LIN9: variants seen among roughly 807,000 people sequenced by gnomAD.
LIN9 encodes lin-9 DREAM MuvB core complex component.
In LIN9, 18 loss-of-function variants were observed where a neutral mutation model predicts 78.0. The observed-to-expected ratio is 0.23, with a 90% CI of 0.16 to 0.34. The LOEUF (loss-of-function observed/expected upper bound fraction) is 0.34. LIN9 is among the 10% of genes least tolerant of loss of function. The pLI is 1.00. For missense variants in LIN9, 451 were observed against 644.1 expected, an observed-to-expected ratio of 0.70 and a Z score of 3.25; for synonymous variants, 192 against 215.2, an observed-to-expected ratio of 0.89 and a Z score of 0.94.
intron 1 of LIN9, among the ~76,000 whole-genome samples, chr1:226,301,802 T>C (rs897149017): frequency 6.6e-6 from 1 of 152,228 alleles, no homozygotes; most frequent in Non-Finnish European, 1.5e-5. Context: ...GTATGATGGC[T>C]GACACCTGTA....
At chr1:226,272,883 C>G (rs1440938677) in intron 7 of LIN9, among the ~76,000 whole-genome samples, 1 of 152,140 alleles carries the variant, frequency 6.6e-6, no homozygotes, top group Non-Finnish European at 1.5e-5. Context: ...TTCACAGCCT[C>G]CACAATCGCG....
chr1:226,262,328 G>C (rs913719577), intron 10 of LIN9, among the ~76,000 whole-genome samples: 1 of 152,100 alleles, frequency 6.6e-6, no homozygotes, highest in African/African-American at 2.4e-5. Flanking sequence ...ACATTGTAAA[G>C]AGAATGAAAA....
chr1:226,275,821 G>C (rs925081057), intron 7 of LIN9, among the ~76,000 whole-genome samples: 1 of 152,020 alleles, frequency 6.6e-6, no homozygotes, highest in Non-Finnish European at 1.5e-5. Flanking sequence ...GGGAGTTTGA[G>C]ACCAACCAGC....
Position 226,295,922 on chromosome 1 carries a change from G to C in LIN9, c.184C>G (p.Arg62Gly). ...CTATCATCTTCATCAGAAAAAAGTCGACTTCGTTTTGAATTTCTGAAAGGC... is the reference window on the plus strand; with the variant it reads ...CTATCATCTTCATCAGAAAAAAGTCCACTTCGTTTTGAATTTCTGAAAGGC... ...EMPFRNSKRSRLFSDEDDRQI... is the reference protein window; with the variant it reads ...EMPFRNSKRSGLFSDEDDRQI... Residue 62 changes from arginine (R) to glycine (G), a missense_variant, in exon 4 of 15, where the codon CGA becomes GGA. Arg to Gly is a moderately radical substitution (Grantham distance 125). Coordinates refer to ENST00000681046, the MANE Select transcript of LIN9 (RefSeq NM_001366245.2). 12 of 1,611,406 alleles carry C rather than the reference G, an allele frequency of 7.4e-6. No individual in the cohort carries two copies. The highest frequency in any genetic ancestry group is 9.3e-6 in the Non-Finnish European group (11 of 1,178,962).
At chr1:226,279,394 G>A (rs1558189186) in intron 6 of LIN9, among the ~76,000 whole-genome samples, 1 of 151,064 alleles carries the variant, frequency 6.6e-6, no homozygotes, top group Non-Finnish European at 1.5e-5. Flanking sequence ...AGGAAGTTGA[G>A]GCTGCAATGA....
At chr1:226,233,763 T>G (rs1415214712) in intron 12 of LIN9, among the ~76,000 whole-genome samples, 1 of 152,226 alleles carries the variant, frequency 6.6e-6, no homozygotes, top group Non-Finnish European at 1.5e-5. Context: ...AACAAAGAAC[T>G]CTTGATAACA....
chr1:226,251,696 G>A (rs922461139), intron 10 of LIN9, among the ~76,000 whole-genome samples: 1 of 152,092 alleles, frequency 6.6e-6, no homozygotes, highest in Admixed American at 6.6e-5. Flanking sequence ...TGATTAAACC[G>A]ACAAGCAAAT....
intron 4 of LIN9, among the ~76,000 whole-genome samples, chr1:226,294,385 G>T (rs1393771769): frequency 1.3e-5 from 2 of 151,634 alleles, no homozygotes; most frequent in African/African-American, 4.9e-5. Context: ...GTTCAAGATC[G>T]GCCTGACTAA....
chr1:226,280,509 G>A (rs1660979559), intron 6 of LIN9, among the ~76,000 whole-genome samples: 1 of 152,150 alleles, frequency 6.6e-6, no homozygotes, highest in Non-Finnish European at 1.5e-5. Flanking sequence ...CGGGCGCAGT[G>A]GCTCACACCT....
At chr1:226,239,363 T>A (rs1479992124) in intron 11 of LIN9, among the ~76,000 whole-genome samples, 7 of 152,222 alleles carry the variant, frequency 4.6e-5, no homozygotes, top group Admixed American at 4.6e-4. Context: ...AAATGTTAAT[T>A]GATAAATGTG....
intron 8 of LIN9, among the ~76,000 whole-genome samples, 188 bp downstream of exon 8, chr1:226,267,769 C>T (rs1487442231): frequency 6.6e-6 from 1 of 152,108 alleles, no homozygotes; most frequent in Non-Finnish European, 1.5e-5. Flanking sequence ...AATGCTAGTT[C>T]CTGGCAAATG....
At chr1:226,286,609 T>C in intron 5 of LIN9, 151 bp from the exon 6 acceptor site, 1 of 588,340 alleles carries the variant, frequency 1.7e-6, no homozygotes, top group South Asian at 2.4e-5. Context: ...ATCCTTGGCA[T>C]TTGTGAAACA....
chr1:226,287,521 C>A, intron 5 of LIN9, 143 bp downstream of exon 5: 1 of 546,274 alleles, frequency 1.8e-6, no homozygotes, highest in Non-Finnish European at 3.1e-6. Context: ...TAGAATAGAT[C>A]CAACTGGAAT....
At chr1:226,291,781 C>T (rs1197555623) in intron 4 of LIN9, among the ~76,000 whole-genome samples, 1 of 152,074 alleles carries the variant, frequency 6.6e-6, no homozygotes, top group Admixed American at 6.6e-5. Flanking sequence ...AACTAAACTA[C>T]AGGCTTTATT....
At chr1:226,259,774 C>T (rs1659446800) in intron 10 of LIN9, among the ~76,000 whole-genome samples, 1 of 151,496 alleles carries the variant, frequency 6.6e-6, no homozygotes, top group African/African-American at 2.4e-5. Context: ...GCAGCCAAAG[C>T]AGTGCTTAGT....
chr1:226,287,162 A>T (rs1383534760), intron 5 of LIN9, among the ~76,000 whole-genome samples: 1 of 152,220 alleles, frequency 6.6e-6, no homozygotes. Flanking sequence ...TTTCCTCAGT[A>T]AATTCCATTG....
intron 1 of LIN9, 30 bp downstream of exon 1, chr1:226,309,079 A>G (rs776038639): frequency 1.3e-5 from 17 of 1,306,080 alleles, no homozygotes; most frequent in Non-Finnish European, 1.6e-5. Context: ...CAGGCGGGAA[A>G]AGGGGGGGGT....
At chr1:226,270,180 A>G (rs1020904433) in intron 7 of LIN9, among the ~76,000 whole-genome samples, 8 of 151,978 alleles carry the variant, frequency 5.3e-5, no homozygotes, top group African/African-American at 1.9e-4. Context: ...CCCGCCTCAG[A>G]CTCCCAAAGT....
intron 11 of LIN9, among the ~76,000 whole-genome samples, chr1:226,246,385 TCAGA>T (rs1658477646): frequency 1.3e-5 from 2 of 152,290 alleles, no homozygotes; most frequent in South Asian, 4.1e-4. Flanking sequence ...ATGGTAGCTC[TCAGA>T]CAAATTGTTG....
Sources: allele counts gnomAD v4.1 joint callset (sites outside exome capture counted in the v4.1 genomes callset), GRCh38; gene constraint gnomAD v4.1.1; transcripts MANE v1.5; gene names NCBI Gene and HGNC (gene_info 2026-07-23, HGNC 2026-07-21).